Variants in CSMD3 observed in about 807,000 individuals in gnomAD.
CSMD3 encodes CUB and sushi domain-containing protein 3.
In CSMD3, 177 loss-of-function variants were observed where a neutral mutation model predicts 435.2. That is an observed-to-expected ratio of 0.41 (90% confidence interval 0.36 to 0.46). CSMD3 has a LOEUF of 0.46. Ranked by LOEUF, CSMD3 falls within the 20% of genes least tolerant of loss-of-function variation. The pLI is 0.34. For synonymous variants in CSMD3, 1,656 were observed against 1,520.5 expected, an observed-to-expected ratio of 1.09 and a Z score of -2.07; for missense variants, 4,265 against 4,504.6, an observed-to-expected ratio of 0.95 and a Z score of 1.52.
In CSMD3 at chr8:112,224,426, C is replaced by T; in HGVS notation, c.*345G>A. 1.3e-5 allele frequency: 4 copies of T among 299,854 alleles called. No individual in the cohort carries two copies. The highest frequency in any genetic ancestry group is 8.1e-5 in the East Asian group (1 of 12,352). The allele number at this position is 299,854 out of a possible 1,614,324, so 18.6% of individuals were successfully genotyped here. A position where few individuals can be genotyped will look rare whatever the true frequency, so the allele number is the denominator to read the frequency against. On this transcript the variant is annotated 3_prime_UTR_variant, in exon 71 of 71. Transcript: ENST00000297405. ...CTACCCTATATCTTTTTTTTTAAAC[C>T]CAGTCCCTCTAATATAGTTTATAAA...
intron 6 of CSMD3, among the ~76,000 whole-genome samples, chr8:113,014,768 G>T (rs2086390249): frequency 6.6e-6 from 1 of 152,030 alleles, no homozygotes; most frequent in South Asian, 2.1e-4. Context: ...TCTAGGTAGT[G>T]GGAAATTAAT....
At chr8:113,194,317 G>A (rs775289228) in intron 3 of CSMD3, among the ~76,000 whole-genome samples, 1 of 151,154 alleles carries the variant, frequency 6.6e-6, no homozygotes. Context: ...TGAAATGATT[G>A]ATCAATTGAT....
intron 13 of CSMD3, among the ~76,000 whole-genome samples, chr8:112,754,378 G>T (rs985992785): frequency 1.3e-5 from 2 of 152,022 alleles, no homozygotes; most frequent in Admixed American, 6.6e-5. Flanking sequence ...GAAGTTTTAG[G>T]AATATGAAAT....
At chr8:112,939,538 A>G (rs1223142937) in intron 9 of CSMD3, among the ~76,000 whole-genome samples, 1 of 152,102 alleles carries the variant, frequency 6.6e-6, no homozygotes, top group Non-Finnish European at 1.5e-5. Context: ...AAAAAGAGCA[A>G]TAGAACTTAA....
intron 3 of CSMD3, among the ~76,000 whole-genome samples, chr8:113,219,466 C>G (rs571700265): frequency 2.0e-5 from 3 of 150,930 alleles, no homozygotes; most frequent in African/African-American, 7.3e-5. Flanking sequence ...AAATCTCATA[C>G]CAAAGTAACA....
chr8:112,982,518 A>G (rs1386167390), intron 6 of CSMD3, among the ~76,000 whole-genome samples: 1 of 151,948 alleles, frequency 6.6e-6, no homozygotes, highest in African/African-American at 2.4e-5. Flanking sequence ...CTAAACAAAC[A>G]AAATGAAACG....
At chr8:112,848,485 T>G (rs1050839279) in intron 11 of CSMD3, among the ~76,000 whole-genome samples, 1 of 152,120 alleles carries the variant, frequency 6.6e-6, no homozygotes, top group African/African-American at 2.4e-5. Context: ...ATGCTTATGC[T>G]TACACATCCT....
rs61496543 is a variant in CSMD3 at position 112,430,896 on chromosome 8, A to ATGTGTGTGTGTGTG, written c.5396-21878_5396-21865dup. On this transcript the variant is annotated intron_variant, in intron 32 of 70. Coordinates refer to ENST00000297405, the MANE Select transcript of CSMD3 (RefSeq NM_198123.2). ...AGTTGTTACGGGTGTTTGTGTGTAT[A>ATGTGTGTGTGTGTG]TGTGTGTGTGTGTGTGTGTGTGTGT... 1.1e-3 allele frequency among the ~76,000 whole-genome samples: 170 copies of ATGTGTGTGTGTGTG among 148,690 alleles called. 1 individual carries two copies. Among genetic ancestry groups the ATGTGTGTGTGTGTG allele is most frequent in the African/African-American group, 4.1e-3 (164 of 40,098 alleles).
rs141856304 is a variant in CSMD3 at position 112,335,009 on chromosome 8, G to A, written c.7165+320C>T. 3.8e-3 allele frequency among the ~76,000 whole-genome samples: 585 copies of A among 152,238 alleles called. 2 individuals carry two copies. Among genetic ancestry groups the A allele is most frequent in the Non-Finnish European group, 7.1e-3 (480 of 68,012 alleles). ...TTGTATAGGAAAAAAATCTATTGACGTCTCAAAATTACATGCACTAGAGTA... is the reference window on the plus strand; with the variant it reads ...TTGTATAGGAAAAAAATCTATTGACATCTCAAAATTACATGCACTAGAGTA... On this transcript the variant is annotated intron_variant, in intron 45 of 70. Transcript: ENST00000297405.
intron 32 of CSMD3, among the ~76,000 whole-genome samples, chr8:112,441,816 C>A (rs2101670): frequency 2.0e-5 from 3 of 151,942 alleles, no homozygotes; most frequent in African/African-American, 7.2e-5. Context: ...CCCCACCACC[C>A]ACCATGATTC....
rs1264208728 is a variant in CSMD3 at position 113,025,779 on chromosome 8, G to T, written c.918-6600C>A. On this transcript the variant is annotated intron_variant, in intron 5 of 70. Coordinates refer to ENST00000297405, the MANE Select transcript of CSMD3 (RefSeq NM_198123.2). ...TTCTGGGGAGTCAGGACAAGCCCAGGGTCAGCTTTCCCACTCTGTATAACT... is the reference window on the plus strand; with the variant it reads ...TTCTGGGGAGTCAGGACAAGCCCAGTGTCAGCTTTCCCACTCTGTATAACT... Among the ~76,000 whole-genome samples the T allele has an allele frequency of 3.9e-5, 6 of 152,048 alleles. No homozygotes were observed. The South Asian group carries it at 8.3e-4, about 21-fold the overall frequency.
chr8:113,341,886 C>T (rs1305254513), intron 1 of CSMD3, among the ~76,000 whole-genome samples: 1 of 152,028 alleles, frequency 6.6e-6, no homozygotes, highest in Non-Finnish European at 1.5e-5. Flanking sequence ...AATATCCTTC[C>T]TTTGCTTCTT....
At chr8:112,350,309 T>G (rs1448304858) in intron 40 of CSMD3, among the ~76,000 whole-genome samples, 2 of 147,666 alleles carry the variant, frequency 1.4e-5, no homozygotes, top group Non-Finnish European at 3.0e-5. Context: ...GGGCTCTTTC[T>G]CCAACTCAGA....
intron 31 of CSMD3, among the ~76,000 whole-genome samples, chr8:112,491,290 A>T (rs867456424): frequency 2.0e-4 from 31 of 152,230 alleles, no homozygotes; most frequent in African/African-American, 6.3e-4. Flanking sequence ...GCAGGTAAAT[A>T]TATACACAGA....
At chr8:112,822,124 G>T (rs535430211) in intron 12 of CSMD3, among the ~76,000 whole-genome samples, 68 of 152,204 alleles carry the variant, frequency 4.5e-4, no homozygotes, top group African/African-American at 1.2e-3. Flanking sequence ...GATTGTCTTG[G>T]CTATACAGGC....
chr8:113,023,469 C>T (rs184605122), intron 5 of CSMD3, among the ~76,000 whole-genome samples: 71 of 152,080 alleles, frequency 4.7e-4, no homozygotes, highest in Non-Finnish European at 8.5e-4. Flanking sequence ...CAGTTTTGAC[C>T]TCCTTCCTTC....
intron 21 of CSMD3, 55 bp from the exon 22 acceptor site, chr8:112,637,060 A>C: frequency 1.5e-6 from 2 of 1,371,720 alleles, no homozygotes; most frequent in South Asian, 2.3e-5. Context: ...AAAGAAAATG[A>C]TAGTGGTTAC....
intron 13 of CSMD3, among the ~76,000 whole-genome samples, chr8:112,797,901 T>C (rs1170330429): frequency 1.3e-5 from 2 of 151,908 alleles, no homozygotes; most frequent in Non-Finnish European, 2.9e-5. Context: ...CTAATTTATA[T>C]AGGCCTAATA....
chr8:113,034,826 T>C (rs1239923790), intron 5 of CSMD3, among the ~76,000 whole-genome samples: 2 of 152,038 alleles, frequency 1.3e-5, no homozygotes, highest in African/African-American at 2.4e-5. Flanking sequence ...CAATGAAGAA[T>C]ACTACCAGAG....
Sources: gnomAD v4.1 joint callset for allele counts (sites outside exome capture counted in the v4.1 genomes callset) on GRCh38, gnomAD v4.1.1 for gene constraint, MANE v1.5 for transcripts, NCBI Gene and HGNC (gene_info 2026-07-23, HGNC 2026-07-21) for gene names.